XKR6: variants seen among roughly 807,000 people sequenced by gnomAD.
XKR6 encodes the protein XK related 6.
XKR6 carries 22 observed loss-of-function variants against 56.7 expected under a neutral mutation model. The observed-to-expected ratio is 0.39, with a 90% CI of 0.28 to 0.55. The LOEUF (loss-of-function observed/expected upper bound fraction) is 0.55, where lower values mean the gene tolerates loss of function less well. XKR6 is among the 20% of genes least tolerant of loss of function. XKR6 has a pLI of 0.66. For synonymous variants in XKR6, 524 were observed against 387.8 expected (o/e 1.35, Z -4.13); for missense variants, 852 against 889.0 (o/e 0.96, Z 0.53).
intron 1 of XKR6, chr8:11,106,621 G>C (rs1586552649): frequency 6.6e-6 from 1 of 152,196 alleles, no homozygotes; most frequent in African/African-American, 2.4e-5. Context: ...GGCTGAGGTG[G>C]GCAGATCACT....
At chr8:11,139,747 C>T (rs146938669) in intron 1 of XKR6, among the ~76,000 whole-genome samples, 2 of 152,292 alleles carry the variant, frequency 1.3e-5, no homozygotes, top group Non-Finnish European at 2.9e-5. Context: ...TGTAACAGGG[C>T]AGTGTATCTC....
chr8:10,998,336 A>T (rs1586411390), intron 1 of XKR6, among the ~76,000 whole-genome samples: 1 of 152,270 alleles, frequency 6.6e-6, no homozygotes, highest in East Asian at 1.9e-4. Context: ...TTGTTTTAAC[A>T]CCAGCTGTCA....
chr8:11,184,611 G>GA lies in XKR6; in HGVS notation c.764+15964dup, dbSNP rs533002823. 7.6e-4 allele frequency among the ~76,000 whole-genome samples: 115 copies of GA among 152,152 alleles called. 1 individual carries two copies. In the Middle Eastern group the frequency reaches 0.01, roughly 14 times the overall value. ...TCTATAAGAACTTACAAAACATACT[G>GA]ACCTGTTTCGATGAAAACATTTCTG... is the stretch of plus-strand genomic sequence containing the variant. On this transcript the variant is annotated intron_variant, in intron 1 of 2. Transcript: ENST00000416569.
At chr8:10,971,542 C>A (rs1296956606) in intron 1 of XKR6, among the ~76,000 whole-genome samples, 1 of 152,092 alleles carries the variant, frequency 6.6e-6, no homozygotes, top group Non-Finnish European at 1.5e-5. Flanking sequence ...GATCACAGAA[C>A]ATGAAAACTA....
intron 1 of XKR6, among the ~76,000 whole-genome samples, chr8:11,005,871 T>G (rs1234047627): frequency 1.5e-5 from 2 of 134,020 alleles, no homozygotes; most frequent in Non-Finnish European, 3.1e-5. Flanking sequence ...TGAGATGGAG[T>G]CTCCCTCTTT....
intron 1 of XKR6, among the ~76,000 whole-genome samples, chr8:11,076,542 G>A (rs1322765302): frequency 1.3e-5 from 2 of 152,290 alleles, no homozygotes; most frequent in Admixed American, 6.5e-5. Flanking sequence ...TGAGAGTCTC[G>A]TGAGCTGTGC....
At chr8:11,075,974 G>A (rs139789675) in intron 1 of XKR6, among the ~76,000 whole-genome samples, 9 of 152,194 alleles carry the variant, frequency 5.9e-5, no homozygotes, top group Non-Finnish European at 8.8e-5. Flanking sequence ...CAGCCCCAGC[G>A]TCACTTGACA....
chr8:10,915,008 G>A (rs915300963), intron 2 of XKR6, among the ~76,000 whole-genome samples: 40 of 152,180 alleles, frequency 2.6e-4, no homozygotes, highest in African/African-American at 8.9e-4. Context: ...CCTCAGTGGC[G>A]CCTTCGTGGT....
intron 1 of XKR6, among the ~76,000 whole-genome samples, chr8:11,191,024 A>C (rs1803545185): frequency 6.6e-6 from 1 of 152,210 alleles, no homozygotes; most frequent in Non-Finnish European, 1.5e-5. Flanking sequence ...GTTTACTGCA[A>C]GTATCACACA....
At chr8:11,160,810 G>C (rs1056151391) in intron 1 of XKR6, among the ~76,000 whole-genome samples, 3 of 147,802 alleles carry the variant, frequency 2.0e-5, no homozygotes, top group Non-Finnish European at 4.4e-5. Flanking sequence ...TACTCGGTAG[G>C]CTAAGCCAAG....
In XKR6 at chr8:11,142,322, C is replaced by T. The variant is rs375807913; in HGVS notation, c.764+58254G>A. Among the ~76,000 whole-genome samples, 42 of 145,842 alleles carry T rather than the reference C, an allele frequency of 2.9e-4. 1 individual carries two copies. In the East Asian group the frequency reaches 7.3e-3, roughly 25 times the overall value. ...ACCTGAAACATCTTGACATACCAGA[C>T]AGCAAGAAAGCTATAAGGGCTTGTA... is the stretch of plus-strand genomic sequence containing the variant. On this transcript the variant is annotated intron_variant, in intron 1 of 2. Coordinates refer to ENST00000416569, the MANE Select transcript of XKR6 (RefSeq NM_173683.4).
intron 1 of XKR6, among the ~76,000 whole-genome samples, chr8:11,185,766 G>GAAAATAACCCCACCCTACTAAACCC (rs1803243055): frequency 6.6e-6 from 1 of 152,114 alleles, no homozygotes; most frequent in African/African-American, 2.4e-5. Context: ...ACTTTTCATT[G>GAAAATAACCCCACCCTACTAAACCC]AGTCCCTGAA....
intron 1 of XKR6, among the ~76,000 whole-genome samples, chr8:11,102,152 T>A (rs1473624691): frequency 2.0e-5 from 3 of 152,174 alleles, no homozygotes; most frequent in African/African-American, 7.2e-5. Context: ...CCAACTGACA[T>A]AAACATCGTC....
chr8:11,057,673 G>A (rs563851834), intron 1 of XKR6, among the ~76,000 whole-genome samples: 110 of 152,338 alleles, frequency 7.2e-4, no homozygotes, highest in African/African-American at 2.6e-3. Flanking sequence ...ATTGGCGACT[G>A]TGTCCAAGCT....
chr8:11,053,322 C>A (rs1172335948), intron 1 of XKR6, among the ~76,000 whole-genome samples: 1 of 152,202 alleles, frequency 6.6e-6, no homozygotes, highest in African/African-American at 2.4e-5. Context: ...CCAAGGTCTC[C>A]GGCCCAGCAC....
At chr8:11,177,781 T>C (rs925098697) in intron 1 of XKR6, among the ~76,000 whole-genome samples, 6 of 152,222 alleles carry the variant, frequency 3.9e-5, no homozygotes, top group African/African-American at 1.2e-4. Flanking sequence ...AGGGGAGCAG[T>C]GCCCTGCTCA....
intron 1 of XKR6, among the ~76,000 whole-genome samples, chr8:10,932,888 G>A (rs1402975758): frequency 2.1e-5 from 3 of 140,136 alleles, no homozygotes; most frequent in East Asian, 2.0e-4. Flanking sequence ...ATAAACATAC[G>A]TGTGCATGTG....
chr8:11,133,231 G>C (rs997329930), intron 1 of XKR6, among the ~76,000 whole-genome samples: 1 of 152,128 alleles, frequency 6.6e-6, no homozygotes, highest in South Asian at 2.1e-4. Flanking sequence ...TCATTGCTCT[G>C]TTTGTAACCA....
intron 1 of XKR6, among the ~76,000 whole-genome samples, chr8:11,198,755 C>G (rs757321042): frequency 6.6e-6 from 1 of 152,050 alleles, no homozygotes; most frequent in African/African-American, 2.4e-5. Context: ...AACCTGACAC[C>G]AACATTTTTA....
Sources: allele counts gnomAD v4.1 joint callset (sites outside exome capture counted in the v4.1 genomes callset), GRCh38; gene constraint gnomAD v4.1.1; transcripts MANE v1.5; gene names NCBI Gene and HGNC (gene_info 2026-07-23, HGNC 2026-07-21).